The following RYR2 variants were observed in gnomAD, a reference collection of about 807,000 sequenced individuals.
RYR2 encodes the protein cardiac muscle ryanodine receptor-calcium release channel.
RYR2 carries 227 observed loss-of-function variants against 601.1 expected under a neutral mutation model. The ratio of observed to expected loss-of-function variants is 0.38; its 90% CI spans 0.34 to 0.42. RYR2 has a LOEUF of 0.42. Ranked by LOEUF, RYR2 falls within the 10% of genes least tolerant of loss-of-function variation. RYR2 has a pLI of 1.00. For synonymous variants in RYR2, 2,223 were observed against 2,175.1 expected (o/e 1.02, Z -0.61); for missense variants, 4,646 against 6,156.5 (o/e 0.75, Z 8.21).
chr1:237,074,994 C>T (rs1170052523), intron 1 of RYR2, among the ~76,000 whole-genome samples: 1 of 152,036 alleles, frequency 6.6e-6, no homozygotes, highest in African/African-American at 2.4e-5. Context: ...TGTTTGGGAG[C>T]TATATTGATA....
At chr1:237,196,989 C>T (rs1340261942) in intron 1 of RYR2, among the ~76,000 whole-genome samples, 1 of 151,840 alleles carries the variant, frequency 6.6e-6, no homozygotes, top group Non-Finnish European at 1.5e-5. Flanking sequence ...GCATCTTTTG[C>T]TATTTATATT....
chr1:237,470,023 G>T (rs1212589769), intron 17 of RYR2, among the ~76,000 whole-genome samples: 1 of 152,180 alleles, frequency 6.6e-6, no homozygotes, highest in African/African-American at 2.4e-5. Flanking sequence ...GATTGCCTCA[G>T]TGACACCCAA....
intron 3 of RYR2, among the ~76,000 whole-genome samples, chr1:237,354,223 G>A (rs961293825): frequency 6.6e-6 from 1 of 152,036 alleles, no homozygotes; most frequent in African/African-American, 2.4e-5. Context: ...GAAGAACTGT[G>A]TCTTTTGTAA....
At chr1:237,783,073 C>T (rs557666881) in intron 89 of RYR2, among the ~76,000 whole-genome samples, 2 of 152,200 alleles carry the variant, frequency 1.3e-5, no homozygotes, top group Non-Finnish European at 2.9e-5. Flanking sequence ...CAACTATACA[C>T]ACTGACTCAT....
At chr1:237,763,922 A>T (rs954665498) in intron 84 of RYR2, among the ~76,000 whole-genome samples, 2 of 152,226 alleles carry the variant, frequency 1.3e-5, no homozygotes, top group Admixed American at 6.5e-5. Context: ...AAAATCAATC[A>T]TCCCTCTTGG....
At chr1:237,416,157 A>G (rs978963696) in intron 10 of RYR2, among the ~76,000 whole-genome samples, 9 of 152,198 alleles carry the variant, frequency 5.9e-5, no homozygotes, top group African/African-American at 2.2e-4. Context: ...TGACTTTAGC[A>G]AAGTCTGTTT....
chr1:237,124,595 C>T (rs146950964), intron 1 of RYR2, among the ~76,000 whole-genome samples: 7 of 152,208 alleles, frequency 4.6e-5, no homozygotes, highest in Non-Finnish European at 8.8e-5. Context: ...CATTCCGGGG[C>T]CAGCTATGGA....
chr1:237,271,778 C>A (rs1301670577), intron 2 of RYR2, among the ~76,000 whole-genome samples: 4 of 152,088 alleles, frequency 2.6e-5, no homozygotes, highest in African/African-American at 7.2e-5. Context: ...GACATGATTT[C>A]TATTGTCTCT....
chr1:237,126,450 C>T (rs991187729), intron 1 of RYR2, among the ~76,000 whole-genome samples: 1 of 152,248 alleles, frequency 6.6e-6, no homozygotes, highest in African/African-American at 2.4e-5. Flanking sequence ...CCATGCCCCT[C>T]TTGGGACTCT....
At chr1:237,736,567 G>A (rs745308066) in intron 79 of RYR2, among the ~76,000 whole-genome samples, 2 of 152,006 alleles carry the variant, frequency 1.3e-5, no homozygotes, top group African/African-American at 2.4e-5. Flanking sequence ...TTATTTGCTC[G>A]CTCTCTCTCT....
chr1:237,571,315 C>CTTTT (rs71561888), intron 29 of RYR2, among the ~76,000 whole-genome samples: 1 of 134,294 alleles, frequency 7.4e-6, no homozygotes. Context: ...CTTTTCTTTT[C>CTTTT]TTTTTTTTTT....
At chr1:237,362,557 A>G (rs1699865511) in intron 4 of RYR2, among the ~76,000 whole-genome samples, 1 of 152,138 alleles carries the variant, frequency 6.6e-6, no homozygotes, top group Non-Finnish European at 1.5e-5. Context: ...TATCATACAG[A>G]AGCAGTGCTT....
At chr1:237,232,529 A>G (rs1359054236) in intron 1 of RYR2, among the ~76,000 whole-genome samples, 1 of 152,112 alleles carries the variant, frequency 6.6e-6, no homozygotes, top group Non-Finnish European at 1.5e-5. Flanking sequence ...ATCTTTTACA[A>G]TAAACCAGTA....
chr1:237,293,577 A>C (rs1692457981), intron 2 of RYR2, among the ~76,000 whole-genome samples: 1 of 152,168 alleles, frequency 6.6e-6, no homozygotes, highest in Non-Finnish European at 1.5e-5. Context: ...GATTTAAATC[A>C]GGGGTTCCCA....
chr1:237,160,786 A>G (rs1572054038), intron 1 of RYR2, among the ~76,000 whole-genome samples: 1 of 152,178 alleles, frequency 6.6e-6, no homozygotes, highest in East Asian at 1.9e-4. Context: ...AAGAACTAAG[A>G]AACTAAGAGT....
intron 79 of RYR2, among the ~76,000 whole-genome samples, chr1:237,740,213 A>G (rs1486724073): frequency 6.6e-6 from 1 of 152,210 alleles, no homozygotes; most frequent in Non-Finnish European, 1.5e-5. Context: ...TCTACAGTAT[A>G]TTCAAAAGCT....
At chr1:237,516,807 TCCC>T (rs1666597911) in intron 24 of RYR2, among the ~76,000 whole-genome samples, 1 of 151,848 alleles carries the variant, frequency 6.6e-6, no homozygotes, top group African/African-American at 2.4e-5. Flanking sequence ...CATTATCAGG[TCCC>T]CCCAAGTATA....
chr1:237,538,406 A>T (rs1285550348), intron 25 of RYR2, among the ~76,000 whole-genome samples: 2 of 143,354 alleles, frequency 1.4e-5, no homozygotes, highest in African/African-American at 2.6e-5. Context: ...AAAAAAAAAA[A>T]AAAAAAAAAA....
intron 1 of RYR2, among the ~76,000 whole-genome samples, chr1:237,089,621 T>G (rs1442126516): frequency 6.6e-6 from 1 of 152,232 alleles, no homozygotes; most frequent in Admixed American, 6.5e-5. Context: ...ACACTACTTT[T>G]AGCCAATAGA....
Sources: gnomAD v4.1 joint callset for allele counts (sites outside exome capture counted in the v4.1 genomes callset) on GRCh38, gnomAD v4.1.1 for gene constraint, MANE v1.5 for transcripts, NCBI Gene and HGNC (gene_info 2026-07-23, HGNC 2026-07-21) for gene names.